Variants in CSMD1 observed in about 807,000 individuals in gnomAD.
CSMD1 encodes CUB and sushi domain-containing protein 1.
In CSMD1, 213 loss-of-function variants were observed where a neutral mutation model predicts 417.5. That is an observed-to-expected ratio of 0.51 (90% CI 0.46 to 0.57). CSMD1 has a LOEUF of 0.57. CSMD1 is among the 20% of genes least tolerant of loss of function. The pLI is 0.00. For missense variants in CSMD1, 6,923 were observed against 4,529.7 expected, an observed-to-expected ratio of 1.53 and a Z score of -15.17; for synonymous variants, 2,862 against 1,736.8, an observed-to-expected ratio of 1.65 and a Z score of -16.11.
intron 12 of CSMD1, among the ~76,000 whole-genome samples, chr8:3,412,777 T>C (rs1812893675): frequency 6.6e-6 from 1 of 152,218 alleles, no homozygotes; most frequent in Non-Finnish European, 1.5e-5. Flanking sequence ...GAGTTTAGGT[T>C]GTTGAACAGA....
intron 5 of CSMD1, among the ~76,000 whole-genome samples, chr8:3,908,601 T>G (rs936185054): frequency 5.9e-5 from 9 of 152,190 alleles, no homozygotes; most frequent in African/African-American, 2.2e-4. Context: ...CCCTGGAACA[T>G]ACTTTTAAGA....
At chr8:4,638,296 C>T (rs1218188197) in intron 1 of CSMD1, among the ~76,000 whole-genome samples, 1 of 152,022 alleles carries the variant, frequency 6.6e-6, no homozygotes, top group African/African-American at 2.4e-5. Context: ...CACACCTAGC[C>T]ACATAACTGC....
intron 33 of CSMD1, among the ~76,000 whole-genome samples, chr8:3,194,396 C>A (rs1373051591): frequency 1.5e-5 from 2 of 131,598 alleles, no homozygotes; most frequent in Non-Finnish European, 3.5e-5. Context: ...TTTCAGGAGA[C>A]CATCTGATTA....
At chr8:4,317,605 GAGAGAGAGAGAA>G (rs1437749974) in intron 3 of CSMD1, among the ~76,000 whole-genome samples, 25 of 166 alleles carry the variant, frequency 0.15, no homozygotes, top group East Asian at 0.3. Context: ...GGAGAGAGGG[GAGAGAGAGAGAA>G]AGAGAGAGAG....
intron 26 of CSMD1, among the ~76,000 whole-genome samples, chr8:3,242,356 G>A (rs1303896518): frequency 1.3e-5 from 2 of 151,608 alleles, no homozygotes; most frequent in African/African-American, 4.8e-5. Flanking sequence ...GACGCTTGGG[G>A]TTGGGACTGA....
intron 3 of CSMD1, among the ~76,000 whole-genome samples, chr8:4,216,382 A>C (rs992870117): frequency 6.6e-6 from 1 of 152,230 alleles, no homozygotes; most frequent in African/African-American, 2.4e-5. Flanking sequence ...ACACACCATC[A>C]GAATAGTGTG....
rs577379231 is a variant in CSMD1 at position 3,577,853 on chromosome 8, T to A, written c.1223-2787A>T. ...TTGCCTCCTTGCATCTAGGGTTTTC[T>A]ACTAGTCAGAATCACCCTCAGTTTT... On this transcript the variant is annotated intron_variant, in intron 9 of 69. Transcript: ENST00000635120. 3.3e-5 allele frequency among the ~76,000 whole-genome samples: 5 copies of A among 152,312 alleles called. No homozygotes were observed. The East Asian group carries it at 9.7e-4, about 29-fold the overall frequency.
In CSMD1 at chr8:4,512,125, G is replaced by C. The variant is rs186400883; in HGVS notation, c.303-92060C>G. ...CTGGGATTCATCTCAGGTATGCAAG[G>C]CTGGTTCAATACTGAAAAATTAATT... is the stretch of plus-strand genomic sequence containing the variant. On this transcript the variant is annotated intron_variant, in intron 2 of 69. Coordinates refer to ENST00000635120, the MANE Select transcript of CSMD1 (RefSeq NM_033225.6). Among the ~76,000 whole-genome samples, 207 of 152,230 alleles carry C rather than the reference G, an allele frequency of 1.4e-3. 1 individual carries two copies. The highest frequency in any genetic ancestry group is 2.5e-3 in the Non-Finnish European group (169 of 68,024).
At chr8:3,374,960 G>C (rs1810212690) in intron 18 of CSMD1, among the ~76,000 whole-genome samples, 1 of 152,172 alleles carries the variant, frequency 6.6e-6, no homozygotes, top group South Asian at 2.1e-4. Flanking sequence ...GAGGGCGGCA[G>C]TTGAAGCACG....
chr8:4,392,866 G>C (rs1489072629), intron 3 of CSMD1, among the ~76,000 whole-genome samples: 1 of 151,944 alleles, frequency 6.6e-6, no homozygotes, highest in Non-Finnish European at 1.5e-5. Flanking sequence ...TACCCAGGGA[G>C]GCTAAGGCAG....
chr8:4,957,996 T>G (rs1209001960), intron 1 of CSMD1, among the ~76,000 whole-genome samples: 1 of 152,200 alleles, frequency 6.6e-6, no homozygotes, highest in Non-Finnish European at 1.5e-5. Context: ...AATTGTGTGA[T>G]GTCAACAGAT....
chr8:3,604,855 G>A (rs1326662070), intron 8 of CSMD1, among the ~76,000 whole-genome samples: 1 of 152,098 alleles, frequency 6.6e-6, no homozygotes, highest in African/African-American at 2.4e-5. Context: ...GTTATCTAGG[G>A]GGCTCTAGCT....
rs78408607 is a variant in CSMD1, at chr8:4,695,668, C to A, written c.86-58110G>T. On this transcript the variant is annotated intron_variant, in intron 1 of 69. Coordinates refer to ENST00000635120, the MANE Select transcript of CSMD1 (RefSeq NM_033225.6). ...AGGTGCATTTGTTAGAACCTATAGA[C>A]CTAGGTTGATACATCATTATCACTC... is the stretch of plus-strand genomic sequence containing the variant. 2.6e-4 allele frequency among the ~76,000 whole-genome samples: 40 copies of A among 152,182 alleles called. No homozygotes were observed. The East Asian group carries it at 7.8e-3, about 30-fold the overall frequency.
At chr8:3,003,543 T>C (rs898616344) in intron 52 of CSMD1, among the ~76,000 whole-genome samples, 1 of 152,232 alleles carries the variant, frequency 6.6e-6, no homozygotes, top group Non-Finnish European at 1.5e-5. Flanking sequence ...TTGTCTCCTA[T>C]GTCACCTTCA....
At chr8:4,516,401 G>C (rs1241336908) in intron 2 of CSMD1, among the ~76,000 whole-genome samples, 1 of 152,158 alleles carries the variant, frequency 6.6e-6, no homozygotes, top group African/African-American at 2.4e-5. Flanking sequence ...GACTAACACA[G>C]ACTCCAAGCT....
chr8:3,194,220 A>G (rs1796575672), intron 33 of CSMD1, among the ~76,000 whole-genome samples: 1 of 152,158 alleles, frequency 6.6e-6, no homozygotes, highest in Admixed American at 6.5e-5. Flanking sequence ...AAAACCAACT[A>G]AGCCATATAA....
At chr8:4,014,405 A>C (rs1796423652) in intron 4 of CSMD1, among the ~76,000 whole-genome samples, 1 of 152,204 alleles carries the variant, frequency 6.6e-6, no homozygotes, top group African/African-American at 2.4e-5. Context: ...GTATGATTTA[A>C]CACTAATCTT....
At chr8:4,717,229 C>A (rs913886489) in intron 1 of CSMD1, among the ~76,000 whole-genome samples, 2 of 151,026 alleles carry the variant, frequency 1.3e-5, no homozygotes, top group Non-Finnish European at 2.9e-5. Flanking sequence ...AAATACATAA[C>A]ATAGCTACCT....
intron 5 of CSMD1, among the ~76,000 whole-genome samples, chr8:3,937,436 C>T (rs957636005): frequency 5.9e-5 from 9 of 152,138 alleles, no homozygotes; most frequent in African/African-American, 2.2e-4. Context: ...GCAACTACCA[C>T]CCTGATCACT....
Sources: gnomAD v4.1 joint callset for allele counts (sites outside exome capture counted in the v4.1 genomes callset) on GRCh38, gnomAD v4.1.1 for gene constraint, MANE v1.5 for transcripts, NCBI Gene and HGNC (gene_info 2026-07-23, HGNC 2026-07-21) for gene names.